Variants in SERP2 observed in about 807,000 individuals in gnomAD.
SERP2 encodes stress-associated endoplasmic reticulum protein 2.
Under a neutral mutation model 9.1 loss-of-function variants are expected in SERP2, and 6 were observed. That is an observed-to-expected ratio of 0.66 (90% confidence interval 0.36 to 1.30). The LOEUF is 1.30. Among genes scored for constraint, SERP2 ranks in the 50% most tolerant of loss-of-function variants. The pLI, the probability that SERP2 is intolerant of heterozygous loss-of-function variation, is 0.03. For missense variants in SERP2, 58 were observed against 81.9 expected, an observed-to-expected ratio of 0.71 and a Z score of 1.13; for synonymous variants, 37 against 27.3, an observed-to-expected ratio of 1.35 and a Z score of -1.10.
chr13:44,395,996 C>G (rs1424419588), intron 2 of SERP2: 1 of 307,922 alleles, frequency 3.2e-6, no homozygotes, highest in African/African-American at 2.2e-5. Flanking sequence ...CACAGCACGT[C>G]TCATCAGTTA....
chr13:44,392,207 A>AAAAAAAAAAAAAAAAAAAAAAC (rs1872820826), intron 2 of SERP2, among the ~76,000 whole-genome samples: 1 of 144,300 alleles, frequency 6.9e-6, no homozygotes, highest in Non-Finnish European at 1.5e-5. Flanking sequence ...AAAAAAAAAA[A>AAAAAAAAAAAAAAAAAAAAAAC]AAAAAAGCCC....
intron 2 of SERP2, among the ~76,000 whole-genome samples, chr13:44,393,273 A>G (rs922198693): frequency 2.0e-5 from 3 of 152,144 alleles, no homozygotes; most frequent in Non-Finnish European, 4.4e-5. Flanking sequence ...AGAGGAAGAG[A>G]GGGCCCTGTG....
chr13:44,383,119 T>C (rs528775650), intron 2 of SERP2, among the ~76,000 whole-genome samples: 8 of 152,146 alleles, frequency 5.3e-5, no homozygotes, highest in Admixed American at 1.3e-4. Flanking sequence ...GAATATAAGG[T>C]GCTCAGAATG....
chr13:44,395,170 A>G (rs976159905), intron 2 of SERP2, among the ~76,000 whole-genome samples: 1 of 152,182 alleles, frequency 6.6e-6, no homozygotes, highest in Non-Finnish European at 1.5e-5. Context: ...CTGCCTCCTG[A>G]CATTCCTATT....
intron 2 of SERP2, among the ~76,000 whole-genome samples, chr13:44,395,003 C>A (rs148032431): frequency 1.3e-5 from 2 of 152,360 alleles, no homozygotes; most frequent in African/African-American, 4.8e-5. Flanking sequence ...CACAGCTTTT[C>A]AGCAAAGAGC....
At chr13:44,377,377 A>G (rs1163766961) in intron 1 of SERP2, among the ~76,000 whole-genome samples, 2 of 152,274 alleles carry the variant, frequency 1.3e-5, no homozygotes, top group African/African-American at 4.8e-5. Flanking sequence ...TTTCTGGGCA[A>G]CTGTGACAAG....
chr13:44,382,569 T>C (rs1872055500), intron 2 of SERP2, among the ~76,000 whole-genome samples: 1 of 152,142 alleles, frequency 6.6e-6, no homozygotes, highest in South Asian at 2.1e-4. Context: ...GACCAGTCTG[T>C]AGATTGTCAG....
At chr13:44,382,446 A>G (rs1872045699) in intron 2 of SERP2, among the ~76,000 whole-genome samples, 1 of 150,896 alleles carries the variant, frequency 6.6e-6, no homozygotes, top group Non-Finnish European at 1.5e-5. Flanking sequence ...CAAAAAAAAA[A>G]AAAAAAAAAA....
At position 44,374,004 on chromosome 13, in the gene SERP2, A is replaced by G; in HGVS notation, c.-22A>G. ...CGCAGGGGGAATCCTTGCAGGTGGGAGCATTTCAGAGCGCACAAGCCATGG... is the reference window on the plus strand; with the variant it reads ...CGCAGGGGGAATCCTTGCAGGTGGGGGCATTTCAGAGCGCACAAGCCATGG... On this transcript the variant is annotated 5_prime_UTR_variant, in exon 1 of 3. Transcript: ENST00000379179. The G allele has an allele frequency of 2.5e-6, 4 of 1,585,686 alleles. No homozygotes were observed. The highest frequency in any genetic ancestry group is 1.1e-5 in the South Asian group (1 of 88,580).
chr13:44,386,794 A>T (rs1291566364), intron 2 of SERP2, among the ~76,000 whole-genome samples: 1 of 152,216 alleles, frequency 6.6e-6, no homozygotes, highest in African/African-American at 2.4e-5. Context: ...CTTCTTGTCA[A>T]ACCTTAGCCT....
rs144648548 is a variant in SERP2 at position 44,396,984 on chromosome 13, G to A, written c.158-288G>A. 2.3e-4 allele frequency among the ~76,000 whole-genome samples: 35 copies of A among 152,302 alleles called. No homozygotes were observed. In the East Asian group the frequency reaches 6.4e-3, roughly 28 times the overall value. On this transcript the variant is annotated intron_variant, in intron 2 of 2. Coordinates refer to ENST00000379179, the MANE Select transcript of SERP2 (RefSeq NM_001010897.3). ...GCCCCAGAACTTTGCTGGGGAAGGGGGCCAAATCTCTTCTCAGTGCCTGAG... is the reference window on the plus strand; with the variant it reads ...GCCCCAGAACTTTGCTGGGGAAGGGAGCCAAATCTCTTCTCAGTGCCTGAG...
At chr13:44,380,914 A>C (rs1033860201) in intron 2 of SERP2, among the ~76,000 whole-genome samples, 2 of 152,176 alleles carry the variant, frequency 1.3e-5, no homozygotes, top group Non-Finnish European at 2.9e-5. Context: ...TTGAACTCCT[A>C]GGGTAACACA....
At chr13:44,388,617 T>C (rs1284313637) in intron 2 of SERP2, among the ~76,000 whole-genome samples, 2 of 152,230 alleles carry the variant, frequency 1.3e-5, no homozygotes, top group Non-Finnish European at 2.9e-5. Context: ...TCCTTTCGTC[T>C]GTCAGTTAAC....
chr13:44,395,171 C>T (rs1289455708), intron 2 of SERP2, among the ~76,000 whole-genome samples: 2 of 152,228 alleles, frequency 1.3e-5, no homozygotes, highest in Non-Finnish European at 2.9e-5. Flanking sequence ...TGCCTCCTGA[C>T]ATTCCTATTG....
intron 2 of SERP2, among the ~76,000 whole-genome samples, chr13:44,395,543 G>A (rs1367627543): frequency 2.0e-5 from 3 of 148,662 alleles, no homozygotes; most frequent in Non-Finnish European, 4.4e-5. Flanking sequence ...GGCGGAGCTT[G>A]CAGTGAGCCG....
intron 1 of SERP2, among the ~76,000 whole-genome samples, chr13:44,377,128 C>T (rs1204561781): frequency 1.3e-5 from 2 of 152,170 alleles, no homozygotes; most frequent in East Asian, 1.9e-4. Flanking sequence ...GCCAAAGTCC[C>T]CAAATCATGT....
chr13:44,392,919 C>T (rs1414320037), intron 2 of SERP2, among the ~76,000 whole-genome samples: 3 of 152,038 alleles, frequency 2.0e-5, no homozygotes, highest in African/African-American at 7.2e-5. Context: ...AGAATGTCAG[C>T]GCTTATGTTT....
chr13:44,388,026 CTG>C (rs1305345779), intron 2 of SERP2, among the ~76,000 whole-genome samples: 1 of 152,092 alleles, frequency 6.6e-6, no homozygotes, highest in Non-Finnish European at 1.5e-5. Flanking sequence ...TAACTAGTGA[CTG>C]TTATTTTCTT....
intron 2 of SERP2, among the ~76,000 whole-genome samples, chr13:44,384,617 C>A (rs1189084427): frequency 6.6e-6 from 1 of 152,218 alleles, no homozygotes; most frequent in Non-Finnish European, 1.5e-5. Context: ...AGGATCTCCA[C>A]ATCTCTGCAG....
Sources: allele counts gnomAD v4.1 joint callset (sites outside exome capture counted in the v4.1 genomes callset), GRCh38; gene constraint gnomAD v4.1.1; transcripts MANE v1.5; gene names NCBI Gene and HGNC (gene_info 2026-07-23, HGNC 2026-07-21).